ADAMTSL1: variants seen among roughly 807,000 people sequenced by gnomAD.
ADAMTSL1 encodes the protein ADAMTS like 1.
Under a neutral mutation model 201.8 loss-of-function variants are expected in ADAMTSL1, and 126 were observed. The ratio of observed to expected loss-of-function variants is 0.62; its 90% confidence interval spans 0.54 to 0.72. ADAMTSL1 has a LOEUF of 0.72. Ranked by LOEUF, ADAMTSL1 falls within the 30% of genes least tolerant of loss-of-function variation. The pLI is 0.00. For missense variants in ADAMTSL1, 2,679 were observed against 2,277.8 expected (o/e 1.18, Z -3.59); for synonymous variants, 1,121 against 903.4 (o/e 1.24, Z -4.32).
At chr9:18,563,734 C>G (rs1057360796) in intron 3 of ADAMTSL1, among the ~76,000 whole-genome samples, 14 of 152,236 alleles carry the variant, frequency 9.2e-5, no homozygotes, top group Admixed American at 2.0e-4. Flanking sequence ...TCTAGAGAGG[C>G]AGTCTGGCTA....
intron 4 of ADAMTSL1, among the ~76,000 whole-genome samples, chr9:18,584,639 G>A (rs1176656413): frequency 6.6e-6 from 1 of 152,076 alleles, no homozygotes; most frequent in African/African-American, 2.4e-5. Context: ...TTAATTTTAG[G>A]TGTCAACTTG....
chr9:18,503,148 C>T (rs1343568598), intron 1 of ADAMTSL1, among the ~76,000 whole-genome samples: 1 of 151,738 alleles, frequency 6.6e-6, no homozygotes, highest in Non-Finnish European at 1.5e-5. Flanking sequence ...CCATCCATCT[C>T]CAGAACTTTT....
intron 2 of ADAMTSL1, among the ~76,000 whole-genome samples, chr9:18,427,083 A>G (rs1386737839): frequency 1.3e-5 from 2 of 152,200 alleles, no homozygotes; most frequent in Non-Finnish European, 2.9e-5. Context: ...CATGATTATC[A>G]TTCCCAAATG....
In ADAMTSL1 at chr9:18,204,959, C is replaced by T. The variant is rs1317863059; in HGVS notation, c.207+40978C>T. 2.0e-5 allele frequency among the ~76,000 whole-genome samples: 3 copies of T among 152,092 alleles called. No homozygotes were observed. The East Asian group carries it at 5.8e-4, about 29-fold the overall frequency. ...TGATTGAGTTGATTTTAGAGTTGGG[C>T]ATTACAACAGACAAAATGCCACCAG... On this transcript the variant is annotated intron_variant, in intron 2 of 29. Coordinates refer to the ADAMTSL1 transcript ENST00000680146.
At chr9:18,462,572 C>G (rs1820848054) in intron 2 of ADAMTSL1, among the ~76,000 whole-genome samples, 1 of 152,020 alleles carries the variant, frequency 6.6e-6, no homozygotes, top group Non-Finnish European at 1.5e-5. Flanking sequence ...GGGTGACAGA[C>G]CTAGAAAGAC....
intron 1 of ADAMTSL1, among the ~76,000 whole-genome samples, chr9:17,987,874 T>C (rs1018502923): frequency 1.3e-5 from 2 of 152,090 alleles, no homozygotes; most frequent in Non-Finnish European, 2.9e-5. Flanking sequence ...TACCCTTTAA[T>C]CTCTCTGTGA....
chr9:18,680,180 T>C (rs2133161389), intron 10 of ADAMTSL1, 132 bp from the exon 11 acceptor site: 2 of 858,990 alleles, frequency 2.3e-6, no homozygotes, highest in Middle Eastern at 3.6e-4. Flanking sequence ...ATAGATGGCT[T>C]TTGGTTTTCT....
intron 1 of ADAMTSL1, among the ~76,000 whole-genome samples, chr9:18,059,708 G>C (rs1313903506): frequency 6.6e-6 from 1 of 152,036 alleles, no homozygotes; most frequent in Non-Finnish European, 1.5e-5. Context: ...AATCTTACCC[G>C]GGAATGTTTG....
chr9:18,283,607 T>TA (rs34012085), intron 2 of ADAMTSL1, among the ~76,000 whole-genome samples: 30,945 of 60,546 alleles, frequency 0.51, 8,331 homozygotes, highest in Admixed American at 0.6. Flanking sequence ...AACTGTATCT[T>TA]AAAAAAAAAA....
chr9:17,915,273 T>A (rs530590969), intron 1 of ADAMTSL1, among the ~76,000 whole-genome samples: 6 of 152,322 alleles, frequency 3.9e-5, no homozygotes, highest in Admixed American at 3.9e-4. Flanking sequence ...TAGTTTGCAT[T>A]TTCTAGAGTT....
chr9:18,473,962 G>T (rs190192646), upstream of ADAMTSL1: 12 of 421,124 alleles, frequency 2.8e-5, no homozygotes, highest in Non-Finnish European at 2.9e-5. Context: ...TGCTCGCACC[G>T]TTACACTTTC....
intron 23 of ADAMTSL1, among the ~76,000 whole-genome samples, chr9:18,862,078 C>A (rs1239312063): frequency 6.6e-6 from 1 of 152,210 alleles, no homozygotes; most frequent in Non-Finnish European, 1.5e-5. Flanking sequence ...CTTCCTGTGG[C>A]TTGCAGCTGA....
chr9:18,462,050 A>G lies in ADAMTSL1; in HGVS notation c.208-42779A>G, dbSNP rs766068165. On this transcript the variant is annotated intron_variant, in intron 2 of 29. Transcript: ENST00000680146. ...CTTTTGGTTGAAAAAAAATCTGTGT[A>G]TAAGTGGATCTGTACAGTTCAAGCC... 1.1e-4 allele frequency among the ~76,000 whole-genome samples: 17 copies of G among 152,324 alleles called. No individual in the cohort carries two copies. In the South Asian group the frequency reaches 3.1e-3, roughly 28 times the overall value.
intron 1 of ADAMTSL1, among the ~76,000 whole-genome samples, chr9:18,038,250 C>A (rs1234745705): frequency 6.6e-6 from 1 of 152,134 alleles, no homozygotes; most frequent in Non-Finnish European, 1.5e-5. Flanking sequence ...AATCAGGCAG[C>A]AGCTTGGGAA....
intron 2 of ADAMTSL1, among the ~76,000 whole-genome samples, chr9:18,193,214 G>A (rs1473879415): frequency 6.6e-6 from 1 of 152,136 alleles, no homozygotes; most frequent in Admixed American, 6.6e-5. Flanking sequence ...AATCACTACA[G>A]GTGTGTCAAG....
intron 4 of ADAMTSL1, among the ~76,000 whole-genome samples, chr9:18,595,093 A>T (rs952191690): frequency 2.6e-5 from 4 of 152,144 alleles, no homozygotes; most frequent in African/African-American, 7.2e-5. Context: ...TGATGTGGCC[A>T]TCTGTCCCAG....
intron 21 of ADAMTSL1, among the ~76,000 whole-genome samples, chr9:18,824,239 G>A (rs568931067): frequency 6.6e-6 from 1 of 152,102 alleles, no homozygotes; most frequent in Non-Finnish European, 1.5e-5. Context: ...AGCTGGCATG[G>A]ACAGGCATCA....
chr9:17,949,223 C>A (rs2811826), intron 1 of ADAMTSL1, among the ~76,000 whole-genome samples: 2 of 152,096 alleles, frequency 1.3e-5, no homozygotes, highest in African/African-American at 4.8e-5. Context: ...TTTTTGCAGA[C>A]AGGGCATCAT....
chr9:18,818,106 T>G (rs1209387917), intron 21 of ADAMTSL1, among the ~76,000 whole-genome samples: 1 of 152,192 alleles, frequency 6.6e-6, no homozygotes, highest in Non-Finnish European at 1.5e-5. Context: ...CAGCTACTAT[T>G]TTTCCCTTCA....
Sources: gnomAD v4.1 joint callset for allele counts (sites outside exome capture counted in the v4.1 genomes callset) on GRCh38, gnomAD v4.1.1 for gene constraint, MANE v1.5 for transcripts, NCBI Gene and HGNC (gene_info 2026-07-23, HGNC 2026-07-21) for gene names.